ANXA8L1: variants seen among roughly 807,000 people sequenced by gnomAD.
ANXA8L1 encodes annexin A8-like protein 1.
In ANXA8L1, 10 loss-of-function variants were observed where a neutral mutation model predicts 22.5. That is an observed-to-expected ratio of 0.44 (90% CI 0.27 to 0.75). ANXA8L1 has a LOEUF of 0.75. Among genes scored for constraint, ANXA8L1 ranks in the 30% least tolerant of loss-of-function variants. The probability of loss-of-function intolerance (pLI) is 0.15; values close to 1 mark genes in which losing one functional copy is unlikely to be tolerated. For missense variants in ANXA8L1, 88 were observed against 219.6 expected, an observed-to-expected ratio of 0.40 and a Z score of 3.79; for synonymous variants, 36 against 86.0, an observed-to-expected ratio of 0.42 and a Z score of 3.22.
Position 46,389,785 on chromosome 10 carries a change from C to T in ANXA8L1, c.925-1086C>T, listed in dbSNP as rs189266394. On this transcript the variant is annotated intron_variant, in intron 11 of 11. Transcript: ENST00000619162. ...TAATCCCAGTGCTTTGGGAGGCCAA[C>T]GCAGGAGGATCGCTTGAGCCCAGGA... Among the ~76,000 whole-genome samples the T allele has an allele frequency of 1.0e-3, 155 of 151,598 alleles. 3 individuals carry two copies. In the South Asian group the frequency reaches 0.012, roughly 12 times the overall value.
In ANXA8L1 at chr10:46,383,554, G is replaced by A. The variant is rs1840001782; in HGVS notation, c.412+8G>A. ...TGAAGGCGTATGAGGAAGGTAAGGG[G>A]TGGCACAGATGGAGGGGCTCAGGAG... On this transcript the variant is annotated splice_region_variant and intron_variant, in intron 5 of 11. Coordinates refer to ENST00000619162, the MANE Select transcript of ANXA8L1 (RefSeq NM_001098845.3). 6 of 700,526 alleles carry A rather than the reference G, an allele frequency of 8.6e-6. No individual in the cohort carries two copies. The African/African-American group carries it at 1.1e-4, about 13-fold the overall frequency. 43.4% of individuals were successfully genotyped at this position (700,526 alleles called of 1,614,324 possible).
chr10:46,376,223 G>GGAGAAT, intron 1 of ANXA8L1, among the ~76,000 whole-genome samples: 1 of 134,888 alleles, frequency 7.4e-6, no homozygotes, highest in Non-Finnish European at 1.6e-5. Flanking sequence ...ATGTGTATGG[G>GGAGAAT]GTGCACACAC....
In ANXA8L1 at chr10:46,375,958, C is replaced by T; in HGVS notation, c.21+86C>T. On this transcript the variant is annotated intron_variant, in intron 1 of 11. Transcript: ENST00000619162. ...GAGTCCTGAGAAATGTAAAGTCGCC[C>T]TTGGCTGGGAGTGGCTCAGTCTACA... 3 of 1,264,824 alleles carry T rather than the reference C, an allele frequency of 2.4e-6. No individual in the cohort carries two copies. The South Asian group carries it at 3.6e-5, about 15-fold the overall frequency. 78.4% of individuals were successfully genotyped at this position (1,264,824 alleles called of 1,614,324 possible). A position where few individuals can be genotyped will look rare whatever the true frequency, so the allele number is the denominator to read the frequency against.
chr10:46,383,059 GA>G (rs1167051114), intron 4 of ANXA8L1, among the ~76,000 whole-genome samples: 1 of 93,374 alleles, frequency 1.1e-5, no homozygotes, highest in East Asian at 2.3e-4. Flanking sequence ...TAAGGATGGG[GA>G]CCCAGTAACT....
chr10:46,383,344 G>T, intron 4 of ANXA8L1, 112 bp from the exon 5 acceptor site: 1 of 1,277,820 alleles, frequency 7.8e-7, no homozygotes. Flanking sequence ...ACTTCAAGTG[G>T]GGCAGGGCAG....
At chr10:46,379,000 C>T (rs1839964919) in intron 1 of ANXA8L1, among the ~76,000 whole-genome samples, 1 of 137,284 alleles carries the variant, frequency 7.3e-6, no homozygotes, top group Admixed American at 7.4e-5. Context: ...AGTAGATGGG[C>T]AGATGATGGA....
At chr10:46,389,533 T>C (rs1554975218) in intron 11 of ANXA8L1, among the ~76,000 whole-genome samples, 1 of 150,394 alleles carries the variant, frequency 6.6e-6, no homozygotes, top group African/African-American at 2.5e-5. Context: ...TGACCAAACA[T>C]TTTCTTTTTA....
chr10:46,389,758 T>G (rs2489761), intron 11 of ANXA8L1, among the ~76,000 whole-genome samples: 1 of 151,000 alleles, frequency 6.6e-6, no homozygotes, highest in Non-Finnish European at 1.5e-5. Context: ...GGCCCACACC[T>G]GTAATCCCAG....
Position 46,384,210 on chromosome 10 carries a change from TG to T in ANXA8L1, c.420del (p.Ser141ProfsTer30). On this transcript the variant is annotated frameshift_variant, in exon 6 of 12. Coordinates refer to ENST00000619162, the MANE Select transcript of ANXA8L1 (RefSeq NM_001098845.3). LOFTEE classifies it high-confidence loss of function. The part of the protein sequence containing the change: ...EIMKAYEEDY[G>X]SSLEEDIQAD... ...CATGGTCCTGTTTCCCTGCAGACTA[TG>T]GGTCCAGCCTGGAGGAGGACATCCA... 2 of 486,514 alleles carry T rather than the reference TG, an allele frequency of 4.1e-6. No individual in the cohort carries two copies. Among genetic ancestry groups the T allele is most frequent in the South Asian group, 2.0e-5 (1 of 50,210 alleles). 30.1% of individuals were successfully genotyped at this position (486,514 alleles called of 1,614,324 possible).
chr10:46,375,786 A>C lies in ANXA8L1; in HGVS notation c.-66A>C, dbSNP rs1231013381. ...TCAGCTGCAGGAGCCAGACGTGTGGAGTCCCAGCAGAGGCCAACCTGTGTC... is the reference window on the plus strand; with the variant it reads ...TCAGCTGCAGGAGCCAGACGTGTGGCGTCCCAGCAGAGGCCAACCTGTGTC... On this transcript the variant is annotated 5_prime_UTR_variant, in exon 1 of 12. Transcript: ENST00000619162. 6.2e-7 allele frequency: 1 copy of C among 1,608,056 alleles called. No homozygotes were observed. The highest frequency in any genetic ancestry group is 8.5e-7 in the Non-Finnish European group (1 of 1,178,336).
chr10:46,390,402 C>T (rs1487766340), intron 11 of ANXA8L1, among the ~76,000 whole-genome samples: 1 of 120,538 alleles, frequency 8.3e-6, no homozygotes, highest in East Asian at 2.0e-4. Context: ...GGGCTTGCCT[C>T]GGCCACACCG....
chr10:46,390,320 AC>A (rs1454368144), intron 11 of ANXA8L1, among the ~76,000 whole-genome samples: 1 of 146,310 alleles, frequency 6.8e-6, no homozygotes, highest in Non-Finnish European at 1.5e-5. Context: ...CTGTACCCTC[AC>A]CACGTCTCAG....
At position 46,389,718 on chromosome 10, in the gene ANXA8L1, T is replaced by C. The variant is rs2489762; in HGVS notation, c.925-1153T>C. ...TCTAAAAACTATTAGAAAAATTGTC[T>C]TCAAAATAATAAAAATCACCAGGCG... On this transcript the variant is annotated intron_variant, in intron 11 of 11. Transcript: ENST00000619162. 7.5e-4 allele frequency among the ~76,000 whole-genome samples: 114 copies of C among 151,248 alleles called. 1 individual carries two copies. Among genetic ancestry groups the C allele is most frequent in the East Asian group, 2.2e-3 (11 of 5,096 alleles).
Position 46,383,521 on chromosome 10 carries a change from GGAGATA to G in ANXA8L1, c.388_393del (p.Glu130_Ile131del). ...CCTCTCGGACCAAGAACCAGCTGCG[GGAGATA>G]ATGAAGGCGTATGAGGAAGGTAAGG... On this transcript the variant is annotated inframe_deletion, in exon 5 of 12. Transcript: ENST00000619162. 1 of 911,474 alleles carries G rather than the reference GGAGATA, an allele frequency of 1.1e-6. No homozygotes were observed. The highest frequency in any genetic ancestry group is 2.6e-5 in the East Asian group (1 of 37,808). The allele number at this position is 911,474 out of a possible 1,614,324, so 56.5% of individuals were successfully genotyped here.
chr10:46,382,566 GT>G lies in ANXA8L1; in HGVS notation c.208-11del. 1.7e-6 allele frequency: 2 copies of G among 1,211,702 alleles called. 1 individual carries two copies. Among genetic ancestry groups the G allele is most frequent in the Non-Finnish European group, 2.3e-6 (2 of 881,996 alleles). The allele number at this position is 1,211,702 out of a possible 1,614,324, so 75.1% of individuals were successfully genotyped here. Reference sequence around the variant, plus strand: ...CTTATGACAAATATCACCTTTCCCTGTTCCCGCATTAGGACCTCACTGAGAC... The same window carrying G: ...CTTATGACAAATATCACCTTTCCCTGTCCCGCATTAGGACCTCACTGAGAC... On this transcript the variant is annotated splice_polypyrimidine_tract_variant and intron_variant, in intron 3 of 11. Transcript: ENST00000619162.
At chr10:46,390,164 G>A (rs1254098722) in intron 11 of ANXA8L1, among the ~76,000 whole-genome samples, 5 of 150,658 alleles carry the variant, frequency 3.3e-5, no homozygotes, top group Admixed American at 2.7e-4. Context: ...TGCAGACCCC[G>A]GACTAGCCAG....
At chr10:46,390,269 T>C (rs1487285157) in intron 11 of ANXA8L1, among the ~76,000 whole-genome samples, 1 of 149,924 alleles carries the variant, frequency 6.7e-6, no homozygotes, top group Non-Finnish European at 1.5e-5. Flanking sequence ...GTGGACCCGA[T>C]GTGAGCCAGA....
intron 7 of ANXA8L1, among the ~76,000 whole-genome samples, 170 bp downstream of exon 7, chr10:46,385,003 C>T (rs1368607785): frequency 7.8e-6 from 1 of 127,686 alleles, no homozygotes; most frequent in African/African-American, 3.2e-5. Context: ...TTGGGAGACT[C>T]GGGAGGAAGG....
chr10:46,389,875 G>T (rs116420620), intron 11 of ANXA8L1, among the ~76,000 whole-genome samples: 1 of 151,458 alleles, frequency 6.6e-6, no homozygotes, highest in African/African-American at 2.4e-5. Context: ...GAGTGAGACC[G>T]TGTCTAGAAA....
Sources: allele counts gnomAD v4.1 joint callset (sites outside exome capture counted in the v4.1 genomes callset), GRCh38; gene constraint gnomAD v4.1.1; transcripts MANE v1.5; gene names NCBI Gene and HGNC (gene_info 2026-07-23, HGNC 2026-07-21).